Variants in GLI2 observed in about 807,000 individuals in gnomAD.
The protein encoded by GLI2 is GLI family zinc finger 2, also known as transcription activator GLI2.
GLI2 carries 22 observed loss-of-function variants against 78.9 expected under a neutral mutation model. That is an observed-to-expected ratio of 0.28 (90% CI 0.20 to 0.40). The LOEUF (loss-of-function observed/expected upper bound fraction) is 0.40. Among genes scored for constraint, GLI2 ranks in the 10% least tolerant of loss-of-function variants. The pLI, the probability that GLI2 is intolerant of heterozygous loss-of-function variation, is 1.00. For missense variants in GLI2, 2,097 were observed against 2,213.2 expected (o/e 0.95, Z 1.05); for synonymous variants, 974 against 963.7 (o/e 1.01, Z -0.20).
chr2:120,954,949 G>A (rs1429448324), intron 4 of GLI2, among the ~76,000 whole-genome samples: 2 of 152,130 alleles, frequency 1.3e-5, no homozygotes, highest in Non-Finnish European at 2.9e-5. Flanking sequence ...CCGGGATTCT[G>A]AGGGGCATGG....
At chr2:120,927,858 A>C (rs1246758206) in intron 3 of GLI2, among the ~76,000 whole-genome samples, 1 of 152,154 alleles carries the variant, frequency 6.6e-6, no homozygotes, top group Non-Finnish European at 1.5e-5. Flanking sequence ...TCACTTCTTC[A>C]AGTGTCCCCC....
intron 1 of GLI2, among the ~76,000 whole-genome samples, chr2:120,765,576 G>A (rs1268613815): frequency 6.6e-6 from 1 of 152,224 alleles, no homozygotes; most frequent in African/African-American, 2.4e-5. Context: ...GGGCTGGAAG[G>A]GCCCCTCAGG....
intron 1 of GLI2, among the ~76,000 whole-genome samples, chr2:120,742,732 A>G (rs1277465845): frequency 6.6e-6 from 1 of 151,478 alleles, no homozygotes; most frequent in Non-Finnish European, 1.5e-5. Context: ...GAGCACGTAC[A>G]TCATGTCAAC....
Position 120,986,568 on chromosome 2 carries a change from G to A in GLI2, c.2196G>A (p.Pro732=), listed in dbSNP as rs770445763. The A allele has an allele frequency of 3.3e-5, 53 of 1,614,028 alleles. No individual in the cohort carries two copies. The African/African-American group carries it at 4.0e-4, about 12-fold the overall frequency. ...SLKDSCSWAG[P]TPHTRNTKLP... is the part of the protein sequence containing the mutation. ...AGGATTCCTGCTCATGGGCCGGGCCGACTCCACACACGCGGAACACCAAGC... is the reference window on the plus strand; with the variant it reads ...AGGATTCCTGCTCATGGGCCGGGCCAACTCCACACACGCGGAACACCAAGC... The change falls in exon 13 of 14, where the codon CCG becomes CCA. Residue 732 remains proline, a synonymous_variant. Transcript: ENST00000361492.
chr2:120,926,255 G>A (rs919331040), intron 2 of GLI2, among the ~76,000 whole-genome samples: 1 of 149,696 alleles, frequency 6.7e-6, no homozygotes, highest in Non-Finnish European at 1.5e-5. Context: ...TTGGTTTTTT[G>A]AGGTGAAGTT....
At chr2:120,884,076 C>T (rs541035987) in intron 2 of GLI2, among the ~76,000 whole-genome samples, 1 of 152,186 alleles carries the variant, frequency 6.6e-6, no homozygotes, top group Non-Finnish European at 1.5e-5. Flanking sequence ...CTTTAGGGGC[C>T]AGGGGCAGCT....
At chr2:120,775,453 G>A (rs1470178891) in intron 1 of GLI2, among the ~76,000 whole-genome samples, 2 of 152,212 alleles carry the variant, frequency 1.3e-5, no homozygotes, top group Non-Finnish European at 2.9e-5. Context: ...GATGGCTTCT[G>A]ATGCGAACAG....
intron 1 of GLI2, among the ~76,000 whole-genome samples, chr2:120,777,669 A>C (rs1205179380): frequency 1.3e-5 from 2 of 148,872 alleles, no homozygotes; most frequent in Non-Finnish European, 3.0e-5. Context: ...GAGGACTTGC[A>C]TCTGGGGTGT....
At chr2:120,816,504 T>A (rs1685501633) in intron 2 of GLI2, among the ~76,000 whole-genome samples, 1 of 152,124 alleles carries the variant, frequency 6.6e-6, no homozygotes, top group Non-Finnish European at 1.5e-5. Flanking sequence ...CCCAAAGAGC[T>A]TTTTTAATGT....
At chr2:120,947,609 C>G (rs895894722) in intron 3 of GLI2, among the ~76,000 whole-genome samples, 44 of 152,112 alleles carry the variant, frequency 2.9e-4, no homozygotes, top group Non-Finnish European at 8.8e-5. Context: ...ACTCTATATT[C>G]CAAATTGGCT....
At chr2:120,813,571 G>T (rs1277328489) in intron 2 of GLI2, among the ~76,000 whole-genome samples, 1 of 152,322 alleles carries the variant, frequency 6.6e-6, no homozygotes, top group East Asian at 1.9e-4. Context: ...GGGGCGATGG[G>T]TGCTACCACA....
chr2:120,820,636 T>A (rs574503680), intron 2 of GLI2, among the ~76,000 whole-genome samples: 169 of 152,308 alleles, frequency 1.1e-3, no homozygotes, highest in Admixed American at 1.5e-3. Context: ...TGTGTGGACG[T>A]GTGTGCACAC....
At chr2:120,831,948 G>T (rs970743326) in intron 2 of GLI2, among the ~76,000 whole-genome samples, 5 of 152,202 alleles carry the variant, frequency 3.3e-5, no homozygotes, top group African/African-American at 9.7e-5. Flanking sequence ...GATTACCTAC[G>T]CTGGACTGCG....
intron 2 of GLI2, among the ~76,000 whole-genome samples, chr2:120,922,261 G>A (rs1014419469): frequency 4.6e-5 from 7 of 152,238 alleles, no homozygotes; most frequent in African/African-American, 1.7e-4. Flanking sequence ...CTGCTGATGT[G>A]AATAGATGGG....
At chr2:120,893,875 G>A (rs1677803841) in intron 2 of GLI2, among the ~76,000 whole-genome samples, 1 of 152,116 alleles carries the variant, frequency 6.6e-6, no homozygotes, top group Non-Finnish European at 1.5e-5. Flanking sequence ...GGAATATTTA[G>A]CAAAGCTGTT....
Position 120,970,375 on chromosome 2 carries a change from G to A in GLI2, c.846-18G>A, listed in dbSNP as rs765320072. ...CCCGATCCCCCACCCCCACTTCCTT[G>A]TCTGCTCTCTGTTGCAGCCCAGCCT... On this transcript the variant is annotated intron_variant, in intron 6 of 13. Coordinates refer to ENST00000361492, the MANE Select transcript of GLI2 (RefSeq NM_001374353.1). The A allele has an allele frequency of 1.7e-5, 25 of 1,429,374 alleles. No individual in the cohort carries two copies. Among genetic ancestry groups the A allele is most frequent in the East Asian group, 1.1e-4 (5 of 43,796 alleles). 88.5% of individuals were successfully genotyped at this position (1,429,374 alleles called of 1,614,324 possible).
At chr2:120,766,169 G>C (rs949180296) in intron 1 of GLI2, among the ~76,000 whole-genome samples, 1 of 152,208 alleles carries the variant, frequency 6.6e-6, no homozygotes, top group Non-Finnish European at 1.5e-5. Flanking sequence ...CAGCATGTCT[G>C]CAGCCAGCTG....
rs180989581 is a variant in GLI2, at chr2:120,972,200, G to A, written c.1182+137G>A. The A allele has an allele frequency of 1.8e-3, 1,668 of 944,884 alleles. 15 individuals carry two copies. Among genetic ancestry groups the A allele is most frequent in the Non-Finnish European group, 3.3e-4 (199 of 601,334 alleles). 58.5% of individuals were successfully genotyped at this position (944,884 alleles called of 1,614,324 possible). ...TGAATGAGTGACCCAGGGAGGACTGGGTGGGAATGCTGAGCTGTGACTTTC... is the reference window on the plus strand; with the variant it reads ...TGAATGAGTGACCCAGGGAGGACTGAGTGGGAATGCTGAGCTGTGACTTTC... On this transcript the variant is annotated intron_variant, in intron 8 of 13. Coordinates refer to ENST00000361492, the MANE Select transcript of GLI2 (RefSeq NM_001374353.1).
chr2:120,975,011 G>A lies in GLI2; in HGVS notation c.1219G>A (p.Asp407Asn). The A allele has an allele frequency of 6.2e-7, 1 of 1,614,230 alleles. No homozygotes were observed. The highest frequency in any genetic ancestry group is 2.2e-5 in the East Asian group (1 of 44,888). Residue 407 changes from aspartate to asparagine, a missense_variant, in exon 9 of 14, where the codon GAT (aspartate) becomes AAT (asparagine). Coordinates refer to ENST00000361492, the MANE Select transcript of GLI2 (RefSeq NM_001374353.1). Reference sequence around the variant, plus strand: ...TGACCTCAAGGAAGATCTGGACAGGGATGACTGTAAGCAGGAGGCTGAGGT... The same window carrying A: ...TGACCTCAAGGAAGATCTGGACAGGAATGACTGTAAGCAGGAGGCTGAGGT... ...LADLKEDLDRDDCKQEAEVVI... is the reference protein window; with the variant it reads ...LADLKEDLDRNDCKQEAEVVI...
Sources: allele counts gnomAD v4.1 joint callset (sites outside exome capture counted in the v4.1 genomes callset), GRCh38; gene constraint gnomAD v4.1.1; transcripts MANE v1.5; gene names NCBI Gene and HGNC (gene_info 2026-07-23, HGNC 2026-07-21).